The following POR variants were observed in gnomAD, a reference collection of about 807,000 sequenced individuals.
The protein encoded by POR is cytochrome p450 oxidoreductase.
A neutral mutation model predicts 84.0 loss-of-function variants in POR; 56 were observed. The observed-to-expected ratio is 0.67, with a 90% CI of 0.54 to 0.83. The LOEUF (loss-of-function observed/expected upper bound fraction) is 0.83. Ranked by LOEUF, POR falls within the 40% of genes least tolerant of loss-of-function variation. The probability of loss-of-function intolerance (pLI) is 0.00; values close to 1 mark genes in which losing one functional copy is unlikely to be tolerated. For missense variants in POR, 938 were observed against 944.3 expected, an observed-to-expected ratio of 0.99 and a Z score of 0.09; for synonymous variants, 414 against 400.5, an observed-to-expected ratio of 1.03 and a Z score of -0.40.
intron 1 of POR, among the ~76,000 whole-genome samples, chr7:75,942,192 A>G (rs537628577): frequency 6.6e-6 from 1 of 152,232 alleles, no homozygotes; most frequent in Non-Finnish European, 1.5e-5. Context: ...GTGCCACTGC[A>G]CTGCAGTCTG....
intron 2 of POR, among the ~76,000 whole-genome samples, chr7:75,961,267 G>C (rs1554554485): frequency 1.4e-5 from 1 of 73,660 alleles, no homozygotes; most frequent in East Asian, 3.3e-4. Context: ...TAGACTTACA[G>C]CTTCTTTAAA....
intron 1 of POR, among the ~76,000 whole-genome samples, chr7:75,926,490 T>C (rs149921276): frequency 5.8e-4 from 89 of 152,174 alleles, no homozygotes; most frequent in Middle Eastern, 6.8e-3. Context: ...CATTTAGTCA[T>C]TCAGCAAACA....
At chr7:75,980,733 T>C (rs1436513575) in intron 5 of POR, 2 of 1,499,244 alleles carry the variant, frequency 1.3e-6, no homozygotes, top group Non-Finnish European at 1.8e-6. Flanking sequence ...GCAAGAAAGG[T>C]CTGGCTGGAC....
intron 1 of POR, among the ~76,000 whole-genome samples, chr7:75,920,937 G>A (rs532422577): frequency 2.0e-5 from 3 of 152,166 alleles, no homozygotes; most frequent in African/African-American, 7.2e-5. Flanking sequence ...TCAGGTATTT[G>A]TGGTCTTGTG....
In POR at chr7:75,985,399, C is replaced by T. The variant is rs1237620588; in HGVS notation, c.1399-180C>T. The T allele has an allele frequency of 5.2e-5, 58 of 1,125,618 alleles. No individual in the cohort carries two copies. In the East Asian group the frequency reaches 1.3e-3, roughly 25 times the overall value. The allele number at this position is 1,125,618 out of a possible 1,614,324, so 69.7% of individuals were successfully genotyped here. ...GCTTGTGAGATTCTCAGCATCTGTC[C>T]AGCCCCGGTCCCCAGAACCAGTCCG... On this transcript the variant is annotated intron_variant, in intron 12 of 15. Coordinates refer to ENST00000461988, the MANE Select transcript of POR (RefSeq NM_000941.3).
chr7:75,939,680 C>T (rs1554551300), intron 1 of POR, among the ~76,000 whole-genome samples: 3 of 151,802 alleles, frequency 2.0e-5, no homozygotes, highest in Non-Finnish European at 4.4e-5. Context: ...TCTTGGCTCA[C>T]TGCAACCTTC....
intron 10 of POR, 128 bp downstream of exon 10, chr7:75,983,984 C>G: frequency 1.4e-6 from 1 of 723,750 alleles, no homozygotes; most frequent in East Asian, 2.7e-5. Flanking sequence ...TGCACCGAGA[C>G]TCCACGGTTA....
At position 75,980,328 on chromosome 7, in the gene POR, T is replaced by C. The variant is rs1554557507; in HGVS notation, c.367-11T>C. Reference sequence around the variant, plus strand: ...CATGGCCGGGGCGCGGTCCTGTCCCTGTTTCTGCAGGCCGACCTGAGCAGC... The same window carrying C: ...CATGGCCGGGGCGCGGTCCTGTCCCCGTTTCTGCAGGCCGACCTGAGCAGC... On this transcript the variant is annotated splice_polypyrimidine_tract_variant and intron_variant, in intron 4 of 15. Coordinates refer to ENST00000461988, the MANE Select transcript of POR (RefSeq NM_000941.3). The C allele has an allele frequency of 6.2e-6, 10 of 1,610,644 alleles. No individual in the cohort carries two copies. Among genetic ancestry groups the C allele is most frequent in the Admixed American group, 1.7e-5 (1 of 59,970 alleles).
rs782497209 is a variant in POR, at chr7:75,985,801, G to A, written c.1621G>A (p.Ala541Thr). The A allele has an allele frequency of 5.1e-6, 8 of 1,565,652 alleles. No homozygotes were observed. In the South Asian group the frequency reaches 8.2e-5, roughly 16 times the overall value. ...CATGGTGGGCCCCGGCACCGGGGTG[G>A]CACCCTTCATAGGCTTCATCCAGGA... Residue 541 changes from alanine (A) to threonine (T), a missense_variant, in exon 13 of 16, where the codon GCA becomes ACA. Physicochemically the swap from Ala to Thr is moderately conservative, Grantham distance 58 (BLOSUM62 0). Transcript: ENST00000461988.
chr7:75,923,800 A>G (rs1806984720), intron 1 of POR, among the ~76,000 whole-genome samples: 1 of 151,974 alleles, frequency 6.6e-6, no homozygotes, highest in African/African-American at 2.4e-5. Context: ...AGGCAGGAGA[A>G]TCGCTTGAAC....
chr7:75,983,674 T>TGGG, intron 9 of POR, 38 bp downstream of exon 9: 1 of 1,607,906 alleles, frequency 6.2e-7, no homozygotes, highest in Non-Finnish European at 8.5e-7. Context: ...ACCCTCACTC[T>TGGG]GGGCCTCCTG....
chr7:75,916,544 C>T (rs115846035), intron 1 of POR, among the ~76,000 whole-genome samples: 1 of 152,060 alleles, frequency 6.6e-6, no homozygotes, highest in African/African-American at 2.4e-5. Flanking sequence ...GGTTTTTGAG[C>T]TACTTATGAC....
intron 1 of POR, among the ~76,000 whole-genome samples, chr7:75,922,522 A>T (rs1806929713): frequency 6.6e-6 from 1 of 151,532 alleles, no homozygotes; most frequent in Non-Finnish European, 1.5e-5. Flanking sequence ...ATGGGGTTTC[A>T]CCATGTTGCC....
At chr7:75,922,817 C>T (rs1387401245) in intron 1 of POR, 4 of 505,562 alleles carry the variant, frequency 7.9e-6, no homozygotes, top group South Asian at 2.2e-5. Flanking sequence ...AAGCAGAAGG[C>T]TTATCAAGGC....
intron 1 of POR, among the ~76,000 whole-genome samples, chr7:75,940,570 G>A (rs1807930886): frequency 6.6e-6 from 1 of 150,582 alleles, no homozygotes; most frequent in African/African-American, 2.4e-5. Flanking sequence ...GGATCACGAA[G>A]TCAGGAGATC....
intron 1 of POR, among the ~76,000 whole-genome samples, chr7:75,936,086 C>CTTTTTTTTTTTTT (rs869164954): frequency 1.8e-4 from 18 of 99,784 alleles, no homozygotes; most frequent in Non-Finnish European, 2.5e-4. Context: ...TTCTTTCTTT[C>CTTTTTTTTTTTTT]TTTTTTTTTT....
chr7:75,920,397 AT>A (rs1806798107), intron 1 of POR, among the ~76,000 whole-genome samples: 1 of 152,084 alleles, frequency 6.6e-6, no homozygotes. Flanking sequence ...TTTAGGAGAC[AT>A]TTGGTAGGAG....
chr7:75,926,720 G>A (rs1482066896), intron 1 of POR, among the ~76,000 whole-genome samples: 2 of 152,118 alleles, frequency 1.3e-5, no homozygotes, highest in Admixed American at 6.6e-5. Context: ...CTTGAACCCG[G>A]GGGGCAGAGG....
chr7:75,924,168 G>C (rs1807006793), intron 1 of POR, among the ~76,000 whole-genome samples: 1 of 151,984 alleles, frequency 6.6e-6, no homozygotes, highest in African/African-American at 2.4e-5. Flanking sequence ...GATTCCTGGG[G>C]CCTTGAAAAA....
Sources: gnomAD v4.1 joint callset for allele counts (sites outside exome capture counted in the v4.1 genomes callset) on GRCh38, gnomAD v4.1.1 for gene constraint, MANE v1.5 for transcripts, NCBI Gene and HGNC (gene_info 2026-07-23, HGNC 2026-07-21) for gene names.